The following POLE variants were observed in gnomAD, a reference collection of about 807,000 sequenced individuals.
The protein encoded by POLE is DNA polymerase epsilon, catalytic subunit, also known as DNA polymerase epsilon catalytic subunit A.
A neutral mutation model predicts 279.2 loss-of-function variants in POLE; 188 were observed. The ratio of observed to expected loss-of-function variants is 0.67; its 90% confidence interval spans 0.60 to 0.76. The LOEUF (loss-of-function observed/expected upper bound fraction) is 0.76. Among genes scored for constraint, POLE ranks in the 30% least tolerant of loss-of-function variants. The pLI is 0.00. For missense variants in POLE, 2,703 were observed against 3,016.7 expected, an observed-to-expected ratio of 0.90 and a Z score of 2.44; for synonymous variants, 1,214 against 1,172.5, an observed-to-expected ratio of 1.04 and a Z score of -0.72.
chr12:132,673,621 T>A lies in POLE; in HGVS notation c.1313A>T (p.Glu438Val), dbSNP rs2042981216. 1 of 1,613,708 alleles carries A rather than the reference T, an allele frequency of 6.2e-7. No homozygotes were observed. The highest frequency in any genetic ancestry group is 1.1e-5 in the South Asian group (1 of 91,086). Residue 438 changes from glutamate (E) to valine (V), a missense_variant, in exon 13 of 49, where the codon GAG becomes GTG. Glu to Val is a moderately radical substitution (Grantham distance 121). Coordinates refer to ENST00000320574, the MANE Select transcript of POLE (RefSeq NM_006231.4). ...CCGGCACATGTCCTCCGGGTCTAGCTCCACGGGATCATAGCCTAGCTTGGC... is the reference window on the plus strand; with the variant it reads ...CCGGCACATGTCCTCCGGGTCTAGCACCACGGGATCATAGCCTAGCTTGGC... ...AKAKLGYDPV[E>V]LDPEDMCRMA... is the part of the protein sequence containing the mutation.
rs2042939798 is a variant in POLE at position 132,672,077 on chromosome 12, C to T, written c.1794+138G>A. 3 of 660,850 alleles carry T rather than the reference C, an allele frequency of 4.5e-6. No homozygotes were observed. In the Admixed American group the frequency reaches 6.6e-5, roughly 14 times the overall value. 40.9% of individuals were successfully genotyped at this position (660,850 alleles called of 1,614,324 possible). ...ATCACACGTCACAACCATGACTGCC[C>T]TGTCCCACCAGAGACCCTGTGTCAT... On this transcript the variant is annotated intron_variant, in intron 16 of 48. Coordinates refer to ENST00000320574, the MANE Select transcript of POLE (RefSeq NM_006231.4).
rs1259912985 is a variant in POLE, at chr12:132,642,673, C to G, written c.4785G>C (p.Arg1595Ser). Residue 1595 changes from arginine to serine, a missense_variant, in exon 37 of 49, where the codon AGG becomes AGC. Around this residue, in one of 5 missense-constraint regions of POLE, gnomAD observed 1,551 missense variants for 1,686.1 expected, o/e 0.92. Coordinates refer to ENST00000320574, the MANE Select transcript of POLE (RefSeq NM_006231.4). ...IAVQSSWELK[R>S]LASEIPVLEE... is the part of the protein sequence containing the mutation. ...CCAAGACAGGAATTTCACTGGCCAG[C>G]CTCTTCAGCTCCCAGCTGGACTGAA... 1.9e-6 allele frequency: 3 copies of G among 1,613,796 alleles called. No homozygotes were observed. The highest frequency in any genetic ancestry group is 2.5e-6 in the Non-Finnish European group (3 of 1,180,038).
intron 45 of POLE, among the ~76,000 whole-genome samples, chr12:132,631,718 C>T (rs1387628962): frequency 6.6e-6 from 1 of 152,192 alleles, no homozygotes; most frequent in Non-Finnish European, 1.5e-5. Flanking sequence ...CTCATCTCAT[C>T]AGCTCTGGGT....
At position 132,672,301 on chromosome 12, in the gene POLE, G is replaced by T. The variant is rs748807227; in HGVS notation, c.1708C>A (p.Leu570Met). The change falls in exon 16 of 49, where the codon CTG becomes ATG. Residue 570 changes from leucine (L) to methionine (M), a missense_variant. This residue lies in a region of POLE where 1,011 missense variants were observed against 1,111.7 expected (regional missense o/e 0.91). Coordinates refer to ENST00000320574, the MANE Select transcript of POLE (RefSeq NM_006231.4). ...FRMNPAAFDF[L>M]LQRVEKTLRH... ...AAGGTCTTCTCAACCCGCTGCAGCA[G>T]GAAGTCAAAGGCGGCAGGATTCTAG... The T allele has an allele frequency of 1.2e-6, 2 of 1,614,194 alleles. No individual in the cohort carries two copies. The highest frequency in any genetic ancestry group is 1.1e-5 in the South Asian group (1 of 91,090).
chr12:132,637,476 A>G (rs2042056489), intron 41 of POLE, among the ~76,000 whole-genome samples: 1 of 152,180 alleles, frequency 6.6e-6, no homozygotes, highest in African/African-American at 2.4e-5. Context: ...TTTGTCTTCT[A>G]TTTAGATTTA....
At chr12:132,660,443 C>G (rs964479489) in intron 25 of POLE, 1 of 152,314 alleles carries the variant, frequency 6.6e-6, no homozygotes, top group Non-Finnish European at 1.5e-5. Context: ...GACGCCTGTG[C>G]CTGGGAAACA....
intron 41 of POLE, among the ~76,000 whole-genome samples, chr12:132,637,546 C>T (rs1483279399): frequency 3.9e-5 from 6 of 152,198 alleles, no homozygotes; most frequent in Non-Finnish European, 7.3e-5. Flanking sequence ...AGGAACATGG[C>T]CTGGAAGGCA....
chr12:132,657,666 T>C (rs112943861), intron 27 of POLE, among the ~76,000 whole-genome samples: 5 of 152,198 alleles, frequency 3.3e-5, no homozygotes, highest in African/African-American at 7.2e-5. Flanking sequence ...GTCCATCCAA[T>C]AGAACAGCTA....
intron 41 of POLE, among the ~76,000 whole-genome samples, chr12:132,636,559 C>A (rs1302917323): frequency 6.6e-6 from 1 of 151,776 alleles, no homozygotes; most frequent in Non-Finnish European, 1.5e-5. Context: ...AGTTCAAGAC[C>A]ACCCCAGGCA....
chr12:132,672,376 T>A (rs975485238), intron 15 of POLE, 54 bp from the exon 16 acceptor site: 1 of 1,434,978 alleles, frequency 7.0e-7, no homozygotes, highest in Non-Finnish European at 9.8e-7. Context: ...CACACTAGCC[T>A]GCCTCAGGTT....
At position 132,664,909 on chromosome 12, in the gene POLE, C is replaced by A. The variant is rs1324178859; in HGVS notation, c.2468+393G>T. ...TCCCACCCTCCCCTCCCGGCACCAGCCCCATGCCCCTTGTCAGTTGCTTCT... is the reference window on the plus strand; with the variant it reads ...TCCCACCCTCCCCTCCCGGCACCAGACCCATGCCCCTTGTCAGTTGCTTCT... On this transcript the variant is annotated intron_variant, in intron 21 of 48. Transcript: ENST00000320574. The surrounding 1 kb of genome is among the most constrained non-coding windows in gnomAD (Gnocchi z 5.3). 6.6e-6 allele frequency among the ~76,000 whole-genome samples: 1 copy of A among 151,770 alleles called. No homozygotes were observed. The highest frequency in any genetic ancestry group is 2.4e-5 in the African/African-American group (1 of 41,276).
At chr12:132,676,355 G>A (rs984080898) in intron 9 of POLE, 151 bp from the exon 10 acceptor site, 7 of 722,518 alleles carry the variant, frequency 9.7e-6, no homozygotes, top group South Asian at 1.6e-5. Flanking sequence ...GAGAAGAGAC[G>A]CTCTGTGTGT....
rs1460561752 is a variant in POLE at position 132,661,213 on chromosome 12, G to A, written c.2865-49C>T. ...CACAGCAGTGGCAAGGAGCGCTGGGGAGCCACCAGCTGTGCCTCATCCTCT... is the reference window on the plus strand; with the variant it reads ...CACAGCAGTGGCAAGGAGCGCTGGGAAGCCACCAGCTGTGCCTCATCCTCT... On this transcript the variant is annotated intron_variant, in intron 24 of 48. Coordinates refer to ENST00000320574, the MANE Select transcript of POLE (RefSeq NM_006231.4). This position sits in a 1 kb window ranked among gnomAD's most constrained non-coding sequence, Gnocchi z 4.1. 6.6e-7 allele frequency: 1 copy of A among 1,509,584 alleles called. No homozygotes were observed. 93.5% of individuals were successfully genotyped at this position (1,509,584 alleles called of 1,614,324 possible).
Position 132,634,878 on chromosome 12 carries a change from T to C in POLE, c.5812-500A>G, listed in dbSNP as rs1472749992. The stretch of plus-strand genomic sequence containing the variant: ...CCTCCTCAGAGCGGTCTACACTGCC[T>C]GAGTTTCTACCCTCCCACTTTGTTC... On this transcript the variant is annotated intron_variant, in intron 42 of 48. Transcript: ENST00000320574. The surrounding 1 kb of genome is among the most constrained non-coding windows in gnomAD (Gnocchi z 4.0). Among the ~76,000 whole-genome samples the C allele has an allele frequency of 6.6e-6, 1 of 152,130 alleles. No homozygotes were observed. Among genetic ancestry groups the C allele is most frequent in the Non-Finnish European group, 1.5e-5 (1 of 68,024 alleles).
In POLE at chr12:132,663,991, G is replaced by A; in HGVS notation, c.2706+13C>T. The A allele has an allele frequency of 1.2e-6, 2 of 1,613,580 alleles. No individual in the cohort carries two copies. Among genetic ancestry groups the A allele is most frequent in the South Asian group, 1.1e-5 (1 of 91,050 alleles). ...GCCAGCCAGAGCTTCAGGACCAGAG[G>A]CCCCAGACTCACCTTGACCATGATG... On this transcript the variant is annotated intron_variant, in intron 23 of 48. Transcript: ENST00000320574.
At position 132,625,697 on chromosome 12, in the gene POLE, G is replaced by A. The variant is rs764457707; in HGVS notation, c.6605C>T (p.Thr2202Met). 7.4e-5 allele frequency: 119 copies of A among 1,613,594 alleles called. No homozygotes were observed. The highest frequency in any genetic ancestry group is 9.0e-5 in the Non-Finnish European group (106 of 1,180,038). The change falls in exon 47 of 49, where the codon ACG (threonine) becomes ATG (methionine). Residue 2202 changes from threonine (T) to methionine (M), a missense_variant. Physicochemically the swap from Thr to Met is moderately conservative, Grantham distance 81. Around this residue, in one of 5 missense-constraint regions of POLE, gnomAD observed 1,551 missense variants for 1,686.1 expected, o/e 0.92. Coordinates refer to ENST00000320574, the MANE Select transcript of POLE (RefSeq NM_006231.4). ...APYDSSAIEM[T>M]LVEVLQKKLM... ...CTTCTTCTGTAGAACTTCCACCAGC[G>A]TCATCTCGATGGCAGAGGAGTCGTA...
At chr12:132,680,278 A>G (rs1272465825) in intron 3 of POLE, 56 bp from the exon 4 acceptor site, 1 of 1,494,980 alleles carries the variant, frequency 6.7e-7, no homozygotes, top group Non-Finnish European at 9.3e-7. Flanking sequence ...AGCGAGAGAA[A>G]AGTGAAAACA....
chr12:132,665,388 G>A lies in POLE; in HGVS notation c.2382C>T (p.Cys794=), dbSNP rs767271169. 1.9e-6 allele frequency: 3 copies of A among 1,613,844 alleles called. No homozygotes were observed. Among genetic ancestry groups the A allele is most frequent in the Non-Finnish European group, 2.5e-6 (3 of 1,180,026 alleles). The change falls in exon 21 of 49, where the codon TGC becomes TGT. Residue 794 remains cysteine, a synonymous_variant. Transcript: ENST00000320574. ...EVGDAAEVKR[C]KNMEVLYDSL... ...AGTCATACAGCACCTCCATGTTCTT[G>A]CAGCGCTTCACCTCAGCCGCGTCGC... is the stretch of plus-strand genomic sequence containing the variant.
chr12:132,642,061 C>G, intron 38 of POLE, 116 bp downstream of exon 38: 1 of 1,052,554 alleles, frequency 9.5e-7, no homozygotes, highest in African/African-American at 1.6e-5. Flanking sequence ...AGCCTCAGCT[C>G]TGACCTGCGC....
Sources: gnomAD v4.1 joint callset for allele counts (sites outside exome capture counted in the v4.1 genomes callset) on GRCh38, gnomAD v4.1.1 for gene constraint, gnomAD v4.1.1 regional missense constraint, Gnocchi (gnomAD v3.1) non-coding constraint, MANE v1.5 for transcripts, NCBI Gene and HGNC (gene_info 2026-07-23, HGNC 2026-07-21) for gene names.